The following IL1RAPL1 variants were observed in gnomAD, a reference collection of about 807,000 sequenced individuals.
IL1RAPL1 encodes the protein interleukin-1 receptor accessory protein-like 1.
Under a neutral mutation model 48.4 loss-of-function variants are expected in IL1RAPL1, and 3 were observed. That is an observed-to-expected ratio of 0.06 (90% CI 0.03 to 0.16). The LOEUF (loss-of-function observed/expected upper bound fraction) is 0.16. Ranked by LOEUF, IL1RAPL1 falls within the 10% of genes least tolerant of loss-of-function variation. IL1RAPL1 has a pLI of 1.00. For synonymous variants in IL1RAPL1, 185 were observed against 187.7 expected (o/e 0.99, Z 0.12); for missense variants, 349 against 530.6 (o/e 0.66, Z 3.36).
chrX:29,187,475 A>G (rs1930273704), intron 2 of IL1RAPL1, among the ~76,000 whole-genome samples: 1 of 111,153 alleles, frequency 9.0e-6, no homozygotes, highest in East Asian at 2.8e-4. Flanking sequence ...AGGTCAGATG[A>G]CGCCTGTTTG....
At chrX:28,757,039 A>C (rs1936113688) in intron 1 of IL1RAPL1, among the ~76,000 whole-genome samples, 1 of 112,628 alleles carries the variant, frequency 8.9e-6, no homozygotes, top group Non-Finnish European at 1.9e-5. Context: ...GGATTATGGT[A>C]AATCTTAAAT....
intron 2 of IL1RAPL1, among the ~76,000 whole-genome samples, chrX:28,792,645 G>A (rs761695284): frequency 1.6e-4 from 16 of 102,000 alleles, no homozygotes; most frequent in South Asian, 4.8e-4. Context: ...AAAATTAGCC[G>A]GGCGTGGTGG....
intron 2 of IL1RAPL1, among the ~76,000 whole-genome samples, chrX:29,231,438 A>G (rs9698478): frequency 0.065 from 7,236 of 111,969 alleles, 577 homozygotes; most frequent in African/African-American, 0.22. Flanking sequence ...GAGTGAAACC[A>G]TAAAATTGGT....
chrX:29,502,240 A>G (rs959087550), intron 5 of IL1RAPL1, among the ~76,000 whole-genome samples: 1 of 111,121 alleles, frequency 9.0e-6, no homozygotes, highest in African/African-American at 3.3e-5. Flanking sequence ...AGTTTTTTCT[A>G]AGTATAAGAT....
chrX:28,973,849 T>C (rs768215901), intron 2 of IL1RAPL1, among the ~76,000 whole-genome samples: 66 of 112,130 alleles, frequency 5.9e-4, no homozygotes, highest in African/African-American at 2.1e-3. Context: ...CTATTTTGTG[T>C]AGTCACTATT....
At position 29,580,755 on chromosome X, in the gene IL1RAPL1, A is replaced by G. The variant is rs767418017; in HGVS notation, c.704-87675A>G. On this transcript the variant is annotated intron_variant, in intron 5 of 10. Coordinates refer to ENST00000378993, the MANE Select transcript of IL1RAPL1 (RefSeq NM_014271.4). ...CTGACAGCACTTTTTCTCTTTGCCA[A>G]TTTGAACGCAGATGACTAGACATCT... Among the ~76,000 whole-genome samples the G allele has an allele frequency of 6.3e-5, 7 of 111,947 alleles. No individual in the cohort carries two copies. In the East Asian group the frequency reaches 2.0e-3, roughly 31 times the overall value.
chrX:29,868,570 C>T (rs1304446923), intron 6 of IL1RAPL1, among the ~76,000 whole-genome samples: 1 of 111,890 alleles, frequency 8.9e-6, no homozygotes, highest in Non-Finnish European at 1.9e-5. Context: ...TGTTAGTTGT[C>T]TGAATCACGA....
intron 6 of IL1RAPL1, among the ~76,000 whole-genome samples, chrX:29,803,284 C>CGTGT (rs1930111924): frequency 3.9e-5 from 1 of 25,681 alleles, no homozygotes; most frequent in African/African-American, 1.9e-4. Context: ...CATATACACA[C>CGTGT]ATGTATATAT....
chrX:29,177,501 T>C (rs1930048595), intron 2 of IL1RAPL1, among the ~76,000 whole-genome samples: 1 of 112,283 alleles, frequency 8.9e-6, no homozygotes, highest in African/African-American at 3.2e-5. Flanking sequence ...TACTTGGTTT[T>C]CTTATAAGAA....
intron 2 of IL1RAPL1, among the ~76,000 whole-genome samples, chrX:28,836,973 A>G (rs1921236974): frequency 9.0e-6 from 1 of 110,714 alleles, no homozygotes; most frequent in Non-Finnish European, 1.9e-5. Flanking sequence ...CACCTTGAAA[A>G]AAAACGAGAG....
intron 3 of IL1RAPL1, among the ~76,000 whole-genome samples, chrX:29,367,516 A>G (rs1014692054): frequency 1.8e-5 from 2 of 111,080 alleles, no homozygotes; most frequent in Non-Finnish European, 3.8e-5. Flanking sequence ...ATCACCATAT[A>G]GAGCTTCTAG....
chrX:29,255,051 G>T (rs1386543970), intron 2 of IL1RAPL1, among the ~76,000 whole-genome samples: 1 of 109,896 alleles, frequency 9.1e-6, no homozygotes, highest in Non-Finnish European at 1.9e-5. Flanking sequence ...CATTATTGGA[G>T]ATATTTTTCT....
chrX:29,042,671 C>T (rs1251533667), intron 2 of IL1RAPL1, among the ~76,000 whole-genome samples: 3 of 111,433 alleles, frequency 2.7e-5, no homozygotes, highest in Non-Finnish European at 5.7e-5. Context: ...AAGACAAAAG[C>T]GTTCCTCCTT....
intron 1 of IL1RAPL1, among the ~76,000 whole-genome samples, chrX:28,667,779 C>G (rs767540638): frequency 8.9e-6 from 1 of 111,970 alleles, no homozygotes; most frequent in South Asian, 3.8e-4. Flanking sequence ...GAACCCTCTT[C>G]TTGTCTGCAG....
Position 28,865,915 on chromosome X carries a change from TGAAAA to T in IL1RAPL1, c.82+76494_82+76498del, listed in dbSNP as rs1922067470. 3.6e-5 allele frequency among the ~76,000 whole-genome samples: 4 copies of T among 111,656 alleles called. No individual in the cohort carries two copies. The South Asian group carries it at 1.5e-3, about 42-fold the overall frequency. On this transcript the variant is annotated intron_variant, in intron 2 of 10. Coordinates refer to ENST00000378993, the MANE Select transcript of IL1RAPL1 (RefSeq NM_014271.4). The stretch of plus-strand genomic sequence containing the variant: ...GCAAGATGCAAGAGAATGTTGGCCT[TGAAAA>T]GAAGAGTTTCAACAGAGAAATTAAA...
At chrX:28,752,594 C>T (rs1431721083) in intron 1 of IL1RAPL1, among the ~76,000 whole-genome samples, 1 of 112,527 alleles carries the variant, frequency 8.9e-6, no homozygotes, top group African/African-American at 3.2e-5. Context: ...GTAAAATTCT[C>T]ATGTCTGCAG....
chrX:29,447,214 C>G (rs1050093997), intron 5 of IL1RAPL1, among the ~76,000 whole-genome samples: 1 of 110,868 alleles, frequency 9.0e-6, no homozygotes, highest in Non-Finnish European at 1.9e-5. Context: ...TTTGCTCCCC[C>G]CAAAAGACAT....
At chrX:29,265,243 C>T (rs1410775818) in intron 2 of IL1RAPL1, among the ~76,000 whole-genome samples, 1 of 108,852 alleles carries the variant, frequency 9.2e-6, no homozygotes, top group Non-Finnish European at 1.9e-5. Context: ...TAAGGATCTA[C>T]CTTTAACTTA....
At chrX:28,860,602 C>G (rs1921917576) in intron 2 of IL1RAPL1, among the ~76,000 whole-genome samples, 1 of 108,929 alleles carries the variant, frequency 9.2e-6, no homozygotes, top group Non-Finnish European at 1.9e-5. Context: ...GGATTACAGG[C>G]ACACACCACC....
Sources: allele counts gnomAD v4.1 joint callset (sites outside exome capture counted in the v4.1 genomes callset), GRCh38; gene constraint gnomAD v4.1.1; transcripts MANE v1.5; gene names NCBI Gene and HGNC (gene_info 2026-07-23, HGNC 2026-07-21).